ADAMTSL3: variants seen among roughly 807,000 people sequenced by gnomAD.
ADAMTSL3 encodes ADAMTS-like protein 3.
Under a neutral mutation model 201.7 loss-of-function variants are expected in ADAMTSL3, and 128 were observed. That is an observed-to-expected ratio of 0.63 (90% CI 0.55 to 0.73). The LOEUF is 0.73. Ranked by LOEUF, ADAMTSL3 falls within the 30% of genes least tolerant of loss-of-function variation. The probability of loss-of-function intolerance (pLI) is 0.00; values close to 1 mark genes in which losing one functional copy is unlikely to be tolerated. For missense variants in ADAMTSL3, 1,990 were observed against 2,119.6 expected (o/e 0.94, Z 1.20); for synonymous variants, 738 against 748.4 (o/e 0.99, Z 0.23).
At chr15:84,024,450 A>G (rs2068265407) in intron 26 of ADAMTSL3, among the ~76,000 whole-genome samples, 2 of 152,236 alleles carry the variant, frequency 1.3e-5, no homozygotes, top group Admixed American at 6.5e-5. Flanking sequence ...TATTAATGCT[A>G]CTGTACTTGT....
intron 25 of ADAMTSL3, among the ~76,000 whole-genome samples, 174 bp from the exon 26 acceptor site, chr15:84,021,236 T>C (rs1188429916): frequency 6.6e-6 from 1 of 152,194 alleles, no homozygotes; most frequent in Non-Finnish European, 1.5e-5. Flanking sequence ...TTACAGTAAA[T>C]TAGTTGAGGG....
rs761753167 is a variant in ADAMTSL3, at chr15:83,892,889, G to A, written c.1467+1G>A. ...GTGGATTGCCATGGAGTGGTCTCAG[G>A]TAAGATTTGAGAATATGCCACTTTT... On this transcript the variant is annotated splice_donor_variant, in intron 13 of 29. Transcript: ENST00000286744. LOFTEE classifies it high-confidence loss of function. The A allele has an allele frequency of 1.2e-6, 2 of 1,613,010 alleles. No individual in the cohort carries two copies. The highest frequency in any genetic ancestry group is 1.7e-6 in the Non-Finnish European group (2 of 1,179,226).
chr15:83,866,237 A>G (rs2064972459), intron 8 of ADAMTSL3, among the ~76,000 whole-genome samples: 1 of 152,218 alleles, frequency 6.6e-6, no homozygotes, highest in Non-Finnish European at 1.5e-5. Context: ...AATACCATTT[A>G]ACCCAGCAAT....
At chr15:83,722,085 G>A (rs1208669721) in intron 3 of ADAMTSL3, among the ~76,000 whole-genome samples, 1 of 152,174 alleles carries the variant, frequency 6.6e-6, no homozygotes, top group Non-Finnish European at 1.5e-5. Context: ...TTAAACTCAT[G>A]AGGCAGGACA....
At chr15:83,774,027 T>C (rs527253120) in intron 4 of ADAMTSL3, among the ~76,000 whole-genome samples, 29 of 152,196 alleles carry the variant, frequency 1.9e-4, no homozygotes, top group Non-Finnish European at 3.8e-4. Flanking sequence ...ACCCGTCGAT[T>C]AGGAACATGA....
intron 2 of ADAMTSL3, among the ~76,000 whole-genome samples, chr15:83,665,762 T>C (rs1455048825): frequency 6.6e-6 from 1 of 152,230 alleles, no homozygotes; most frequent in East Asian, 1.9e-4. Context: ...TTGTCAGCAC[T>C]GAACAGCTCC....
At chr15:84,012,266 G>A (rs1469954900) in intron 23 of ADAMTSL3, among the ~76,000 whole-genome samples, 1 of 152,116 alleles carries the variant, frequency 6.6e-6, no homozygotes, top group Non-Finnish European at 1.5e-5. Flanking sequence ...AGATCAAGGT[G>A]GTGGCATGGC....
intron 2 of ADAMTSL3, among the ~76,000 whole-genome samples, chr15:83,669,335 G>A (rs894829081): frequency 2.9e-4 from 44 of 151,008 alleles, no homozygotes; most frequent in African/African-American, 8.1e-4. Context: ...TAGTAGAGAC[G>A]GGGTTTCACC....
intron 2 of ADAMTSL3, among the ~76,000 whole-genome samples, chr15:83,688,484 A>G (rs2061566284): frequency 1.3e-5 from 2 of 152,040 alleles, no homozygotes; most frequent in African/African-American, 4.8e-5. Flanking sequence ...AAAGTAACTC[A>G]TAATGGGAAA....
intron 5 of ADAMTSL3, among the ~76,000 whole-genome samples, chr15:83,810,728 CATTTTTCTTTTTCTTTT>C: frequency 6.6e-6 from 1 of 152,134 alleles, no homozygotes; most frequent in Non-Finnish European, 1.5e-5. Flanking sequence ...TCTGTTTGAA[CATTTTTCTTTTTCTTTT>C]ATTTTTCTTT....
At position 83,881,362 on chromosome 15, in the gene ADAMTSL3, C is replaced by T. The variant is rs116345067; in HGVS notation, c.961-3739C>T. 8.6e-3 allele frequency among the ~76,000 whole-genome samples: 1,304 copies of T among 152,314 alleles called. 15 individuals are homozygous for T. Among genetic ancestry groups the T allele is most frequent in the African/African-American group, 0.029 (1,216 of 41,564 alleles). Reference sequence around the variant, plus strand: ...GAGCTCTAGTGTTCGCTTTCCACTACGTGAGGCTGATGACAGATCTGTCCA... The same window carrying T: ...GAGCTCTAGTGTTCGCTTTCCACTATGTGAGGCTGATGACAGATCTGTCCA... On this transcript the variant is annotated intron_variant, in intron 9 of 29. Coordinates refer to ENST00000286744, the MANE Select transcript of ADAMTSL3 (RefSeq NM_207517.3).
At chr15:83,770,309 C>T (rs899157189) in intron 3 of ADAMTSL3, among the ~76,000 whole-genome samples, 1 of 152,132 alleles carries the variant, frequency 6.6e-6, no homozygotes, top group African/African-American at 2.4e-5. Context: ...AACAATTTAT[C>T]ATATTCTGGG....
chr15:84,016,248 T>C (rs1390874167), intron 24 of ADAMTSL3, 135 bp from the exon 25 acceptor site: 4 of 660,468 alleles, frequency 6.1e-6, no homozygotes, highest in Non-Finnish European at 1.0e-5. Flanking sequence ...CCTGTGGTCA[T>C]GAGCTTGAGT....
intron 23 of ADAMTSL3, 64 bp from the exon 24 acceptor site, chr15:84,014,478 C>A: frequency 6.9e-7 from 1 of 1,440,592 alleles, no homozygotes; most frequent in Non-Finnish European, 9.6e-7. Context: ...TGGTATTTGT[C>A]AAGTGGTTCT....
chr15:83,797,071 CAT>C lies in ADAMTSL3; in HGVS notation c.318-7578_318-7577del, dbSNP rs2063439053. On this transcript the variant is annotated intron_variant, in intron 4 of 29. Transcript: ENST00000286744. The stretch of plus-strand genomic sequence containing the variant: ...AAATTCAAGCACAATAAAAAATACA[CAT>C]CTGTATCACAAAAATATAAACCTAA... Among the ~76,000 whole-genome samples the C allele has an allele frequency of 4.6e-5, 7 of 152,184 alleles. No homozygotes were observed. In the South Asian group the frequency reaches 1.5e-3, roughly 32 times the overall value.
intron 2 of ADAMTSL3, among the ~76,000 whole-genome samples, chr15:83,665,810 C>T (rs1419059154): frequency 6.6e-6 from 1 of 152,170 alleles, no homozygotes; most frequent in Non-Finnish European, 1.5e-5. Context: ...GTCAAATACT[C>T]AGAAATGCTT....
At chr15:83,785,772 G>A (rs1484484982) in intron 4 of ADAMTSL3, among the ~76,000 whole-genome samples, 1 of 151,226 alleles carries the variant, frequency 6.6e-6, no homozygotes, top group Admixed American at 6.6e-5. Context: ...CATTTATCAT[G>A]TTCTCTTTAA....
intron 3 of ADAMTSL3, among the ~76,000 whole-genome samples, chr15:83,740,767 A>G (rs2062441724): frequency 6.6e-6 from 1 of 152,192 alleles, no homozygotes; most frequent in African/African-American, 2.4e-5. Context: ...ACAAATAAAT[A>G]TCAGACAAAT....
intron 2 of ADAMTSL3, among the ~76,000 whole-genome samples, chr15:83,669,062 T>A (rs1365201507): frequency 1.3e-5 from 2 of 152,224 alleles, no homozygotes; most frequent in Non-Finnish European, 2.9e-5. Context: ...GAGCAAATTA[T>A]ACAGCCTTGT....
Sources: allele counts gnomAD v4.1 joint callset (sites outside exome capture counted in the v4.1 genomes callset), GRCh38; gene constraint gnomAD v4.1.1; transcripts MANE v1.5; gene names NCBI Gene and HGNC (gene_info 2026-07-23, HGNC 2026-07-21).